The following TOP6BL variants were observed in gnomAD, a reference collection of about 807,000 sequenced individuals.
The protein encoded by TOP6BL is type 2 DNA topoisomerase 6 subunit B-like.
chr11:66,810,864 C>T, the TOP6BL span, among the ~76,000 whole-genome samples: 1 of 139,328 alleles, frequency 7.2e-6, no homozygotes, highest in Admixed American at 1.1e-4. Flanking sequence ...AAAAAAAAAT[C>T]TTTAAAAAAC....
At chr11:66,749,048 T>TTGTGTG in the TOP6BL span, among the ~76,000 whole-genome samples, 1 of 151,078 alleles carries the variant, frequency 6.6e-6, no homozygotes, top group Non-Finnish European at 1.5e-5. Flanking sequence ...TGTTAGCTTT[T>TTGTGTG]TGTGTGTGTG....
the TOP6BL span, among the ~76,000 whole-genome samples, chr11:66,754,370 C>T: frequency 1.3e-5 from 2 of 152,072 alleles, no homozygotes; most frequent in African/African-American, 4.8e-5. Flanking sequence ...ATCTCTTCTA[C>T]TTTCTAGGCA....
At chr11:66,826,676 A>T in the TOP6BL span, among the ~76,000 whole-genome samples, 4 of 147,202 alleles carry the variant, frequency 2.7e-5, no homozygotes, top group South Asian at 4.3e-4. Context: ...TTTTTTTTTT[A>T]TTTTTTATTT....
chr11:66,790,285 T>C, the TOP6BL span, among the ~76,000 whole-genome samples: 4 of 151,324 alleles, frequency 2.6e-5, no homozygotes, highest in Admixed American at 6.6e-5. Context: ...AAAAAAGATA[T>C]GTTACTTGAT....
At chr11:66,756,092 T>C in the TOP6BL span, among the ~76,000 whole-genome samples, 2 of 152,286 alleles carry the variant, frequency 1.3e-5, no homozygotes, top group Admixed American at 6.5e-5. Flanking sequence ...AGATAATTAG[T>C]TTTTTCCATC....
the TOP6BL span, among the ~76,000 whole-genome samples, chr11:66,837,875 G>C: frequency 5.9e-5 from 9 of 152,166 alleles, no homozygotes; most frequent in African/African-American, 2.2e-4. Flanking sequence ...GAACTAACCA[G>C]TGTGGCAGGG....
At chr11:66,827,727 G>A in the TOP6BL span, among the ~76,000 whole-genome samples, 2 of 152,114 alleles carry the variant, frequency 1.3e-5, no homozygotes, top group African/African-American at 4.8e-5. Flanking sequence ...CACTTTGGGA[G>A]GCTGAGGCGG....
At chr11:66,745,087 G>A in the TOP6BL span, among the ~76,000 whole-genome samples, 1 of 152,126 alleles carries the variant, frequency 6.6e-6, no homozygotes, top group Non-Finnish European at 1.5e-5. Context: ...AGGAGCAGAT[G>A]AGGGCTCTCG....
chr11:66,808,943 T>TGTGTGTGTGTGTGC, the TOP6BL span, among the ~76,000 whole-genome samples: 1 of 151,792 alleles, frequency 6.6e-6, no homozygotes, highest in African/African-American at 2.4e-5. Flanking sequence ...GAGACAGATT[T>TGTGTGTGTGTGTGC]GTGTGTGTGT....
the TOP6BL span, chr11:66,748,604 A>G: frequency 9.6e-7 from 1 of 1,041,110 alleles, no homozygotes; most frequent in Non-Finnish European, 1.3e-6. Context: ...AGAATCTTTT[A>G]TCATGTTATT....
At chr11:66,823,742 G>A in the TOP6BL span, among the ~76,000 whole-genome samples, 2 of 151,920 alleles carry the variant, frequency 1.3e-5, no homozygotes, top group South Asian at 2.1e-4. Context: ...GCTGAAACCC[G>A]GGAGGTGGAG....
At chr11:66,799,533 G>A in the TOP6BL span, among the ~76,000 whole-genome samples, 5 of 147,278 alleles carry the variant, frequency 3.4e-5, no homozygotes, top group Non-Finnish European at 7.5e-5. Context: ...CCAACATGGC[G>A]AAACCCCATC....
At chr11:66,815,799 C>G in the TOP6BL span, 1 of 349,434 alleles carries the variant, frequency 2.9e-6, no homozygotes, top group Non-Finnish European at 5.2e-6. Flanking sequence ...TGTAGAGCTT[C>G]TCAGTAATGT....
At chr11:66,800,945 G>A in the TOP6BL span, 3 of 1,399,046 alleles carry the variant, frequency 2.1e-6, no homozygotes, top group Non-Finnish European at 2.0e-6. Context: ...CGCTGGGGTG[G>A]TAGTAGTCAT....
the TOP6BL span, among the ~76,000 whole-genome samples, chr11:66,800,124 C>T: frequency 6.0e-5 from 9 of 150,990 alleles, no homozygotes; most frequent in African/African-American, 1.9e-4. Flanking sequence ...ACCACATTTT[C>T]TTAATCAACA....
the TOP6BL span, among the ~76,000 whole-genome samples, chr11:66,837,768 A>G: frequency 6.6e-6 from 1 of 152,194 alleles, no homozygotes; most frequent in Non-Finnish European, 1.5e-5. Flanking sequence ...TTTGAGGAAG[A>G]AGATACCTAT....
chr11:66,836,906 G>A, the TOP6BL span, among the ~76,000 whole-genome samples: 1 of 150,308 alleles, frequency 6.7e-6, no homozygotes, highest in South Asian at 2.1e-4. Flanking sequence ...TCACCATGTC[G>A]GTCAGGCTGG....
chr11:66,821,823 A>G, the TOP6BL span: 54 of 1,586,410 alleles, frequency 3.4e-5, no homozygotes, highest in South Asian at 5.8e-4. Flanking sequence ...TAGCAAGCAT[A>G]TATGGCAGGC....
At chr11:66,745,969 C>A in the TOP6BL span, among the ~76,000 whole-genome samples, 1 of 152,306 alleles carries the variant, frequency 6.6e-6, no homozygotes, top group African/African-American at 2.4e-5. Flanking sequence ...CGCCGCTACA[C>A]CTGGCTCATT....
Sources: gnomAD v4.1 joint callset for allele counts (sites outside exome capture counted in the v4.1 genomes callset) on GRCh38, gnomAD v4.1.1 for gene constraint, MANE v1.5 for transcripts, NCBI Gene and HGNC (gene_info 2026-07-23, HGNC 2026-07-21) for gene names.